Variants in TBC1D22A observed in about 807,000 individuals in gnomAD.
The protein encoded by TBC1D22A is TBC1 domain family member 22A, also known as putative GTPase activator.
A neutral mutation model predicts 60.2 loss-of-function variants in TBC1D22A; 38 were observed. The ratio of observed to expected loss-of-function variants is 0.63; its 90% confidence interval spans 0.49 to 0.83. The LOEUF (loss-of-function observed/expected upper bound fraction) is 0.83. TBC1D22A is among the 40% of genes least tolerant of loss of function. The pLI, the probability that TBC1D22A is intolerant of heterozygous loss-of-function variation, is 0.00. For missense variants in TBC1D22A, 628 were observed against 701.0 expected (o/e 0.90, Z 1.18); for synonymous variants, 302 against 281.7 (o/e 1.07, Z -0.72).
In TBC1D22A at chr22:46,944,421, C is replaced by T. The variant is rs367943850; in HGVS notation, c.1016-29869C>T. Among the ~76,000 whole-genome samples the T allele has an allele frequency of 1.1e-4, 17 of 151,834 alleles. No homozygotes were observed. In the South Asian group the frequency reaches 1.2e-3, roughly 11 times the overall value. ...CTATGCATTCCTCTTTTTTTTGAGA[C>T]GGAGTCTTGCTCCGTCTCCCAGGCT... is the stretch of plus-strand genomic sequence containing the variant. On this transcript the variant is annotated intron_variant, in intron 8 of 12. Coordinates refer to ENST00000337137, the MANE Select transcript of TBC1D22A (RefSeq NM_014346.5).
At chr22:47,172,654 T>C (rs1055662754) in intron 12 of TBC1D22A, among the ~76,000 whole-genome samples, 2 of 152,218 alleles carry the variant, frequency 1.3e-5, no homozygotes, top group African/African-American at 4.8e-5. Context: ...GGAATTAATT[T>C]TTAAATCTCA....
intron 4 of TBC1D22A, among the ~76,000 whole-genome samples, chr22:46,811,717 G>A (rs1208305626): frequency 1.3e-5 from 2 of 152,238 alleles, no homozygotes; most frequent in African/African-American, 4.8e-5. Context: ...AGGTGTGTCA[G>A]AGAGAGCCAG....
At chr22:46,820,126 C>A (rs2085765286) in intron 4 of TBC1D22A, among the ~76,000 whole-genome samples, 1 of 152,086 alleles carries the variant, frequency 6.6e-6, no homozygotes, top group South Asian at 2.1e-4. Context: ...ATTCTTCTCT[C>A]CCTTTTTCTT....
intron 1 of TBC1D22A, among the ~76,000 whole-genome samples, chr22:46,779,140 A>C (rs1231040875): frequency 1.3e-5 from 2 of 152,256 alleles, no homozygotes; most frequent in Non-Finnish European, 2.9e-5. Flanking sequence ...CGTACAGTAC[A>C]TAATGTATGT....
chr22:47,057,241 G>A (rs969356367), intron 11 of TBC1D22A, among the ~76,000 whole-genome samples: 3 of 152,240 alleles, frequency 2.0e-5, no homozygotes, highest in African/African-American at 7.2e-5. Flanking sequence ...TGGGCAGCTG[G>A]CTGGGGTTCT....
At chr22:47,110,026 T>C (rs2065789851) in intron 11 of TBC1D22A, among the ~76,000 whole-genome samples, 1 of 152,190 alleles carries the variant, frequency 6.6e-6, no homozygotes, top group African/African-American at 2.4e-5. Context: ...CCCGAGGATC[T>C]GTACCCCAGA....
chr22:46,934,543 C>T (rs1000085648), intron 8 of TBC1D22A, among the ~76,000 whole-genome samples: 6 of 152,232 alleles, frequency 3.9e-5, no homozygotes, highest in African/African-American at 1.4e-4. Flanking sequence ...TCCCCCAAAT[C>T]GTCTATACTA....
Position 46,766,689 on chromosome 22 carries a change from C to G in TBC1D22A, c.62+3841C>G, listed in dbSNP as rs568485364. On this transcript the variant is annotated intron_variant, in intron 1 of 12. Coordinates refer to ENST00000337137, the MANE Select transcript of TBC1D22A (RefSeq NM_014346.5). ...TAACTGGGATTACAGGCGCCCACCA[C>G]CATGCCCAGCTAATTTTTTTGTATT... Among the ~76,000 whole-genome samples the G allele has an allele frequency of 1.8e-3, 267 of 152,276 alleles. 1 individual carries two copies. The highest frequency in any genetic ancestry group is 6.2e-3 in the African/African-American group (259 of 41,534).
chr22:46,919,731 C>CCT (rs71315172), intron 8 of TBC1D22A, among the ~76,000 whole-genome samples: 1 of 136,858 alleles, frequency 7.3e-6, no homozygotes, highest in African/African-American at 2.8e-5. Context: ...ATCTTTCACT[C>CCT]TTTTTTTTTT....
chr22:47,079,231 C>A (rs1043491100), intron 11 of TBC1D22A, among the ~76,000 whole-genome samples: 2 of 151,990 alleles, frequency 1.3e-5, no homozygotes. Flanking sequence ...GGATTACAGT[C>A]ACCTGCCAGC....
intron 11 of TBC1D22A, among the ~76,000 whole-genome samples, chr22:47,096,581 G>A (rs906501638): frequency 6.6e-6 from 1 of 152,124 alleles, no homozygotes; most frequent in Non-Finnish European, 1.5e-5. Flanking sequence ...CAGCACTTTG[G>A]GGGGCCGAGG....
At chr22:46,807,358 C>T (rs1309798670) in intron 4 of TBC1D22A, among the ~76,000 whole-genome samples, 11 of 152,042 alleles carry the variant, frequency 7.2e-5, no homozygotes, top group Admixed American at 3.3e-4. Context: ...TCCTGCTTGT[C>T]GGTGTTGTGG....
At chr22:47,043,095 G>T (rs185955358) in intron 11 of TBC1D22A, among the ~76,000 whole-genome samples, 1 of 152,344 alleles carries the variant, frequency 6.6e-6, no homozygotes, top group East Asian at 1.9e-4. Context: ...CTGCTGTCGA[G>T]GGCTCTTTTC....
At chr22:46,822,377 T>G (rs1216830311) in intron 4 of TBC1D22A, among the ~76,000 whole-genome samples, 1 of 152,212 alleles carries the variant, frequency 6.6e-6, no homozygotes, top group Admixed American at 6.5e-5. Flanking sequence ...TTTGTGAGTT[T>G]GTCTAGTTTC....
chr22:46,934,152 T>C (rs2071512182), intron 8 of TBC1D22A, among the ~76,000 whole-genome samples: 3 of 152,262 alleles, frequency 2.0e-5, no homozygotes, highest in Admixed American at 2.0e-4. Context: ...ATGATCCAAG[T>C]AAGGATTTGT....
chr22:47,160,309 G>A (rs1283197812), intron 12 of TBC1D22A, among the ~76,000 whole-genome samples: 1 of 152,204 alleles, frequency 6.6e-6, no homozygotes, highest in Non-Finnish European at 1.5e-5. Context: ...CTCAGGTTCC[G>A]TGTGAGGGGC....
At chr22:46,793,168 G>A (rs1184768678) in intron 2 of TBC1D22A, among the ~76,000 whole-genome samples, 1 of 152,228 alleles carries the variant, frequency 6.6e-6, no homozygotes, top group Non-Finnish European at 1.5e-5. Flanking sequence ...ACCCCTCACT[G>A]CTGGGCAGGA....
At chr22:46,845,343 C>A (rs946916416) in intron 4 of TBC1D22A, among the ~76,000 whole-genome samples, 15 of 152,130 alleles carry the variant, frequency 9.9e-5, no homozygotes, top group Admixed American at 2.0e-4. Flanking sequence ...GTCTTTTGTT[C>A]CATGGAGAAG....
At chr22:46,977,295 G>C (rs893776838) in intron 9 of TBC1D22A, among the ~76,000 whole-genome samples, 1 of 152,134 alleles carries the variant, frequency 6.6e-6, no homozygotes, top group Non-Finnish European at 1.5e-5. Context: ...TTGAGATTCC[G>C]TATTCTACTT....
Sources: gnomAD v4.1 joint callset for allele counts (sites outside exome capture counted in the v4.1 genomes callset) on GRCh38, gnomAD v4.1.1 for gene constraint, MANE v1.5 for transcripts, NCBI Gene and HGNC (gene_info 2026-07-23, HGNC 2026-07-21) for gene names.